The following SENP7 variants were observed in gnomAD, a reference collection of about 807,000 sequenced individuals.
SENP7 encodes the protein SUMO specific peptidase 7.
SENP7 carries 64 observed loss-of-function variants against 141.2 expected under a neutral mutation model. The ratio of observed to expected loss-of-function variants is 0.45; its 90% CI spans 0.37 to 0.56. The LOEUF (loss-of-function observed/expected upper bound fraction) is 0.56. SENP7 is among the 20% of genes least tolerant of loss of function. The pLI is 0.00. For missense variants in SENP7, 1,025 were observed against 1,212.2 expected, an observed-to-expected ratio of 0.85 and a Z score of 2.29; for synonymous variants, 382 against 426.4, an observed-to-expected ratio of 0.90 and a Z score of 1.28.
intron 15 of SENP7, among the ~76,000 whole-genome samples, chr3:101,341,111 T>G (rs540527439): frequency 8.5e-5 from 13 of 152,318 alleles, no homozygotes; most frequent in South Asian, 6.2e-4. Flanking sequence ...CCTATCCTAG[T>G]CTTTCAAGTG....
intron 19 of SENP7, 136 bp from the exon 20 acceptor site, chr3:101,330,522 T>C (rs536922674): frequency 3.5e-4 from 180 of 508,056 alleles, no homozygotes; most frequent in Non-Finnish European, 5.8e-4. Flanking sequence ...ATTTTTTTCA[T>C]GATTAATGTT....
In SENP7 at chr3:101,498,811, T is replaced by C. The variant is rs532203344; in HGVS notation, c.90+2259A>G. Among the ~76,000 whole-genome samples, 25 of 152,254 alleles carry C rather than the reference T, an allele frequency of 1.6e-4. No individual in the cohort carries two copies. The South Asian group carries it at 5.0e-3, about 30-fold the overall frequency. On this transcript the variant is annotated intron_variant, in intron 2 of 23. Transcript: ENST00000394095. ...GATCAGCAGTGGCATTAGATTCTCA[T>C]AGGAGCACAAACACTATTGTGAACT... is the stretch of plus-strand genomic sequence containing the variant.
rs11713423 is a variant in SENP7, at chr3:101,369,693, G to C, written c.797-1682C>G. ...TACTACAGTAAAATGATTCATGAAA[G>C]GAAAGGGGCTTGAGAAAAACTTGAT... is the stretch of plus-strand genomic sequence containing the variant. On this transcript the variant is annotated intron_variant, in intron 7 of 23. Coordinates refer to ENST00000394095, the MANE Select transcript of SENP7 (RefSeq NM_020654.5). Among the ~76,000 whole-genome samples the C allele has an allele frequency of 3.6e-3, 549 of 152,162 alleles. 3 individuals are homozygous for C. Among genetic ancestry groups the C allele is most frequent in the Non-Finnish European group, 6.2e-3 (420 of 67,974 alleles).
intron 6 of SENP7, among the ~76,000 whole-genome samples, chr3:101,397,423 TGATA>T (rs2061002245): frequency 6.6e-6 from 1 of 152,134 alleles, no homozygotes; most frequent in South Asian, 2.1e-4. Context: ...ATGAGCCACT[TGATA>T]GATACATAGG....
intron 11 of SENP7, among the ~76,000 whole-genome samples, chr3:101,354,220 T>G (rs1341328279): frequency 3.3e-5 from 5 of 152,100 alleles, no homozygotes; most frequent in Non-Finnish European, 7.4e-5. Context: ...TTTAAGTTTT[T>G]AATCTAATTA....
chr3:101,479,678 T>G (rs560586514), intron 3 of SENP7, among the ~76,000 whole-genome samples: 1 of 148,430 alleles, frequency 6.7e-6, no homozygotes, highest in African/African-American at 2.5e-5. Flanking sequence ...ATCAAAAATG[T>G]AGTGATTATG....
chr3:101,506,107 A>G lies in SENP7; in HGVS notation c.41-4988T>C, dbSNP rs536593115. On this transcript the variant is annotated intron_variant, in intron 1 of 23. Coordinates refer to ENST00000394095, the MANE Select transcript of SENP7 (RefSeq NM_020654.5). ...ACGATCTCGGCTCACTGCAACCTCC[A>G]CCTCCCAGGTTCAAGCGATTCTCCC... Among the ~76,000 whole-genome samples, 842 of 141,526 alleles carry G rather than the reference A, an allele frequency of 5.9e-3. 12 individuals are homozygous for G. The highest frequency in any genetic ancestry group is 0.023 in the Middle Eastern group (6 of 262). The allele number at this position is 141,526 out of a possible 152,430, so 92.8% of individuals were successfully genotyped here.
At chr3:101,376,912 C>T (rs2060352519) in intron 6 of SENP7, among the ~76,000 whole-genome samples, 1 of 151,960 alleles carries the variant, frequency 6.6e-6, no homozygotes, top group Non-Finnish European at 1.5e-5. Context: ...AGAACTACAT[C>T]CAATACTCTA....
At chr3:101,465,113 C>T (rs2063716946) in intron 3 of SENP7, among the ~76,000 whole-genome samples, 1 of 152,102 alleles carries the variant, frequency 6.6e-6, no homozygotes, top group Non-Finnish European at 1.5e-5. Flanking sequence ...TACCCACCTA[C>T]TGCTACCAAG....
chr3:101,422,727 G>A (rs368480141), intron 4 of SENP7, among the ~76,000 whole-genome samples: 11 of 151,746 alleles, frequency 7.2e-5, no homozygotes, highest in South Asian at 6.2e-4. Context: ...TTAAAAAATC[G>A]CATTCCTAAA....
intron 4 of SENP7, among the ~76,000 whole-genome samples, chr3:101,432,528 C>T (rs539487707): frequency 6.6e-6 from 1 of 152,300 alleles, no homozygotes; most frequent in African/African-American, 2.4e-5. Flanking sequence ...AGCACAGTCA[C>T]AATGCTGGTG....
At chr3:101,364,657 T>C (rs1204161053) in intron 10 of SENP7, among the ~76,000 whole-genome samples, 177 bp downstream of exon 10, 1 of 152,254 alleles carries the variant, frequency 6.6e-6, no homozygotes, top group East Asian at 1.9e-4. Context: ...AATCTTTTCA[T>C]TTCAAAATAA....
At chr3:101,366,374 A>G in intron 9 of SENP7, 56 bp downstream of exon 9, 1 of 1,306,914 alleles carries the variant, frequency 7.7e-7, no homozygotes, top group Admixed American at 2.4e-5. Context: ...AGAATAAAAA[A>G]ATAACTAAGT....
In SENP7 at chr3:101,332,507, A is replaced by G. The variant is rs540918818; in HGVS notation, c.2573+263T>C. ...GAAAATTTTTTCTTAAATCCAAACAAAAAAACATTCAATGTCTCAGTCATT... is the reference window on the plus strand; with the variant it reads ...GAAAATTTTTTCTTAAATCCAAACAGAAAAACATTCAATGTCTCAGTCATT... On this transcript the variant is annotated intron_variant, in intron 18 of 23. Coordinates refer to ENST00000394095, the MANE Select transcript of SENP7 (RefSeq NM_020654.5). Among the ~76,000 whole-genome samples the G allele has an allele frequency of 2.6e-5, 4 of 152,198 alleles. No homozygotes were observed. In the South Asian group the frequency reaches 8.3e-4, roughly 32 times the overall value.
At chr3:101,384,167 T>A (rs1309887687) in intron 6 of SENP7, among the ~76,000 whole-genome samples, 2 of 152,266 alleles carry the variant, frequency 1.3e-5, no homozygotes, top group African/African-American at 4.8e-5. Flanking sequence ...TCAGGTCTCC[T>A]GAGAGCTGTA....
At chr3:101,348,085 T>C in intron 12 of SENP7, 34 bp from the exon 13 acceptor site, 5 of 1,467,168 alleles carry the variant, frequency 3.4e-6, no homozygotes, top group Non-Finnish European at 4.6e-6. Flanking sequence ...TTTAAAAAAT[T>C]AATCCATTTA....
intron 2 of SENP7, among the ~76,000 whole-genome samples, chr3:101,494,794 T>G (rs1029904338): frequency 6.6e-6 from 1 of 152,002 alleles, no homozygotes; most frequent in Non-Finnish European, 1.5e-5. Flanking sequence ...AAAAATTAAT[T>G]CAAGATGGAT....
chr3:101,482,577 A>G (rs1279200297), intron 3 of SENP7, among the ~76,000 whole-genome samples: 1 of 152,220 alleles, frequency 6.6e-6, no homozygotes, highest in Admixed American at 6.5e-5. Context: ...GAAAGTTTAT[A>G]GAGAAGCAAA....
intron 4 of SENP7, among the ~76,000 whole-genome samples, chr3:101,449,730 G>A (rs1318350728): frequency 1.3e-5 from 2 of 152,094 alleles, no homozygotes; most frequent in African/African-American, 4.8e-5. Context: ...CACTAAACAT[G>A]GAAAGGAACA....
Sources: allele counts gnomAD v4.1 joint callset (sites outside exome capture counted in the v4.1 genomes callset), GRCh38; gene constraint gnomAD v4.1.1; transcripts MANE v1.5; gene names NCBI Gene and HGNC (gene_info 2026-07-23, HGNC 2026-07-21).